The following CENPF variants were observed in gnomAD, a reference collection of about 807,000 sequenced individuals.
CENPF encodes centromere protein F, also known as AH antigen.
A neutral mutation model predicts 307.3 loss-of-function variants in CENPF; 214 were observed. That is an observed-to-expected ratio of 0.70 (90% CI 0.62 to 0.78). CENPF has a LOEUF of 0.78. CENPF is among the 30% of genes least tolerant of loss of function. CENPF has a pLI of 0.00. For synonymous variants in CENPF, 1,259 were observed against 1,270.6 expected (o/e 0.99, Z 0.19); for missense variants, 3,401 against 3,483.9 (o/e 0.98, Z 0.60).
At chr1:214,657,978 A>T (rs1466066655) in intron 18 of CENPF, among the ~76,000 whole-genome samples, 1 of 152,226 alleles carries the variant, frequency 6.6e-6, no homozygotes, top group African/African-American at 2.4e-5. Flanking sequence ...ATCCAAGCAC[A>T]TATCATGTTT....
intron 14 of CENPF, among the ~76,000 whole-genome samples, chr1:214,650,546 T>G (rs1234346336): frequency 6.6e-6 from 1 of 152,058 alleles, no homozygotes; most frequent in East Asian, 1.9e-4. Context: ...AGAGAAGGCT[T>G]GATAAGGCAA....
Position 214,642,901 on chromosome 1 carries a change from C to A in CENPF, c.4563C>A (p.Cys1521Ter), listed in dbSNP as rs746146738. Reference sequence around the variant, plus strand: ...AAGGGGCTGTTTCAGCAAACCAGTGCAGTGTAGATGAAGTATTTTGCAGCA... The same window carrying A: ...AAGGGGCTGTTTCAGCAAACCAGTGAAGTGTAGATGAAGTATTTTGCAGCA... ...NLEGAVSANQ[C>*]SVDEVFCSSL... Residue 1521 changes from cysteine to a stop codon, truncating the protein, a stop_gained, in exon 12 of 20, where the codon TGC (cysteine) becomes TGA (stop). Coordinates refer to ENST00000366955, the MANE Select transcript of CENPF (RefSeq NM_016343.4). LOFTEE classifies it high-confidence loss of function. 1 of 1,613,996 alleles carries A rather than the reference C, an allele frequency of 6.2e-7. No homozygotes were observed. Among genetic ancestry groups the A allele is most frequent in the Non-Finnish European group, 8.5e-7 (1 of 1,179,992 alleles).
intron 7 of CENPF, among the ~76,000 whole-genome samples, chr1:214,627,913 G>GT (rs1657699728): frequency 1.3e-5 from 2 of 152,164 alleles, no homozygotes; most frequent in African/African-American, 4.8e-5. Context: ...AATCAATACC[G>GT]TGTTCTTAAG....
intron 2 of CENPF, 68 bp from the exon 3 acceptor site, chr1:214,614,764 G>A: frequency 9.1e-7 from 1 of 1,093,654 alleles, no homozygotes; most frequent in Non-Finnish European, 1.3e-6. Flanking sequence ...TTAGACTCAG[G>A]TTTACCAATA....
chr1:214,620,948 T>A lies in CENPF; in HGVS notation c.865+2T>A, dbSNP rs756438992. 3.8e-6 allele frequency: 6 copies of A among 1,596,724 alleles called. No homozygotes were observed. The highest frequency in any genetic ancestry group is 5.1e-6 in the Non-Finnish European group (6 of 1,172,388). On this transcript the variant is annotated splice_donor_variant, in intron 6 of 19. Transcript: ENST00000366955. LOFTEE classifies it high-confidence loss of function. The stretch of plus-strand genomic sequence containing the variant: ...ATCAATTAAAAGCGCAGAATCAAGG[T>A]AACATTGAGCTAAGTTAAGTTTAAA...
In CENPF at chr1:214,642,099, A is replaced by C. The variant is rs748669315; in HGVS notation, c.3761A>C (p.Gln1254Pro). 6.2e-7 allele frequency: 1 copy of C among 1,612,304 alleles called. No homozygotes were observed. The highest frequency in any genetic ancestry group is 8.5e-7 in the Non-Finnish European group (1 of 1,179,482). ...DLETSNLQDMQSQEISGLKDC... is the reference protein window; with the variant it reads ...DLETSNLQDMPSQEISGLKDC... Reference sequence around the variant, plus strand: ...GAAACCAGCAATTTGCAAGACATGCAGTCACAAGAAATTAGTGGCCTTAAA... The same window carrying C: ...GAAACCAGCAATTTGCAAGACATGCCGTCACAAGAAATTAGTGGCCTTAAA... Residue 1254 changes from glutamine to proline, a missense_variant, in exon 12 of 20, where the codon CAG (glutamine) becomes CCG (proline). Physicochemically the swap from Gln to Pro is moderately conservative, Grantham distance 76. Coordinates refer to ENST00000366955, the MANE Select transcript of CENPF (RefSeq NM_016343.4).
At position 214,643,267 on chromosome 1, in the gene CENPF, C is replaced by G. The variant is rs765485196; in HGVS notation, c.4929C>G (p.Leu1643=). 2 of 1,563,970 alleles carry G rather than the reference C, an allele frequency of 1.3e-6. No individual in the cohort carries two copies. Among genetic ancestry groups the G allele is most frequent in the Non-Finnish European group, 1.7e-6 (2 of 1,160,400 alleles). Residue 1643 remains leucine (L), a synonymous_variant, in exon 12 of 20, where the codon CTC becomes CTG. Transcript: ENST00000366955. ...CACTTGAGCTGGAAGTAGCACGACT[C>G]CAGCTACAAGGTCTGGACTTAAGTT... ...QLSLELEVAR[L]QLQGLDLSSR...
intron 17 of CENPF, among the ~76,000 whole-genome samples, chr1:214,656,081 T>C (rs568125136): frequency 6.6e-6 from 1 of 152,314 alleles, no homozygotes; most frequent in East Asian, 1.9e-4. Context: ...CTGATTCTGG[T>C]TATCCTCAGT....
intron 3 of CENPF, among the ~76,000 whole-genome samples, chr1:214,617,835 G>C (rs779712455): frequency 6.6e-6 from 1 of 152,110 alleles, no homozygotes; most frequent in Non-Finnish European, 1.5e-5. Flanking sequence ...TTATGTCTCT[G>C]TCTTTGGCTT....
intron 10 of CENPF, among the ~76,000 whole-genome samples, chr1:214,637,607 G>T (rs17023293): frequency 6.6e-6 from 1 of 152,032 alleles, no homozygotes; most frequent in Non-Finnish European, 1.5e-5. Flanking sequence ...TTTAATAGGC[G>T]TATGAACAAT....
intron 1 of CENPF, among the ~76,000 whole-genome samples, chr1:214,612,344 T>G (rs1657222596): frequency 6.6e-6 from 1 of 152,210 alleles, no homozygotes; most frequent in African/African-American, 2.4e-5. Context: ...GTGGATTAGC[T>G]TTTTGATGTG....
At chr1:214,609,223 T>A (rs1444112209) in intron 1 of CENPF, among the ~76,000 whole-genome samples, 2 of 152,184 alleles carry the variant, frequency 1.3e-5, no homozygotes, top group Non-Finnish European at 2.9e-5. Flanking sequence ...GCTTTGAATC[T>A]CTAAGGTTGT....
In CENPF at chr1:214,629,274, T is replaced by G. The variant is rs1357222691; in HGVS notation, c.1194+103T>G. 2.6e-6 allele frequency: 3 copies of G among 1,160,226 alleles called. No homozygotes were observed. In the Admixed American group the frequency reaches 8.4e-5, roughly 33 times the overall value. 71.9% of individuals were successfully genotyped at this position (1,160,226 alleles called of 1,614,324 possible). A position where few individuals can be genotyped will look rare whatever the true frequency, so the allele number is the denominator to read the frequency against. On this transcript the variant is annotated intron_variant, in intron 8 of 19. Transcript: ENST00000366955. Reference sequence around the variant, plus strand: ...GGAGTTGTTATCACAATTTGGGAAATTCTCTTAGAGGAGAAATGCTTTGTG... The same window carrying G: ...GGAGTTGTTATCACAATTTGGGAAAGTCTCTTAGAGGAGAAATGCTTTGTG...
intron 1 of CENPF, chr1:214,608,761 G>A (rs1657111807): frequency 1.9e-6 from 3 of 1,600,290 alleles, no homozygotes; most frequent in Middle Eastern, 2.3e-4. Context: ...CGGCAGGAAG[G>A]CGAGCTTGGC....
At chr1:214,617,504 GT>G (rs2102534821) in intron 3 of CENPF, among the ~76,000 whole-genome samples, 1 of 152,230 alleles carries the variant, frequency 6.6e-6, no homozygotes, top group East Asian at 1.9e-4. Flanking sequence ...TTTAATGTGG[GT>G]TTTTTGGTTT....
At chr1:214,651,958 T>TC (rs1553291306) in intron 15 of CENPF, 72 bp downstream of exon 15, 45 of 1,248,146 alleles carry the variant, frequency 3.6e-5, no homozygotes, top group Admixed American at 1.4e-4. Context: ...TTTTTTTTTT[T>TC]CCAAAAAAAA....
At chr1:214,652,223 G>A (rs1658494363) in intron 15 of CENPF, among the ~76,000 whole-genome samples, 1 of 151,164 alleles carries the variant, frequency 6.6e-6, no homozygotes, top group Non-Finnish European at 1.5e-5. Flanking sequence ...TTTTAGTAGT[G>A]ATGGGGTTTC....
rs915015981 is a variant in CENPF at position 214,642,628 on chromosome 1, T to C, written c.4290T>C (p.Ser1430=). 6.2e-7 allele frequency: 1 copy of C among 1,613,520 alleles called. No individual in the cohort carries two copies. Among genetic ancestry groups the C allele is most frequent in the African/African-American group, 1.3e-5 (1 of 74,912 alleles). ...ILHDQHCQMS[S]KMSELQTYVD... ...ATGATCAGCACTGTCAGATGAGCTC[T>C]AAAATGTCAGAGCTGCAGACCTATG... Residue 1430 remains serine, a synonymous_variant, in exon 12 of 20, where the codon TCT becomes TCC. Coordinates refer to ENST00000366955, the MANE Select transcript of CENPF (RefSeq NM_016343.4).
intron 16 of CENPF, among the ~76,000 whole-genome samples, chr1:214,654,962 G>A (rs1472633242): frequency 6.6e-6 from 1 of 151,478 alleles, no homozygotes; most frequent in Non-Finnish European, 1.5e-5. Context: ...GATTCCCATT[G>A]GATAAATACA....
Sources: gnomAD v4.1 joint callset for allele counts (sites outside exome capture counted in the v4.1 genomes callset) on GRCh38, gnomAD v4.1.1 for gene constraint, MANE v1.5 for transcripts, NCBI Gene and HGNC (gene_info 2026-07-23, HGNC 2026-07-21) for gene names.